ZBTB20: variants seen among roughly 807,000 people sequenced by gnomAD.
ZBTB20 encodes zinc finger and BTB domain-containing protein 20.
Under a neutral mutation model 56.9 loss-of-function variants are expected in ZBTB20, and 9 were observed. The ratio of observed to expected loss-of-function variants is 0.16; its 90% CI spans 0.10 to 0.28. ZBTB20 has a LOEUF of 0.28. Among genes scored for constraint, ZBTB20 ranks in the 10% least tolerant of loss-of-function variants. The pLI is 1.00. For synonymous variants in ZBTB20, 417 were observed against 420.7 expected, an observed-to-expected ratio of 0.99 and a Z score of 0.11; for missense variants, 655 against 1,003.0, an observed-to-expected ratio of 0.65 and a Z score of 4.69.
At chr3:115,060,158 C>G (rs980243398) in intron 2 of ZBTB20, among the ~76,000 whole-genome samples, 1 of 152,130 alleles carries the variant, frequency 6.6e-6, no homozygotes, top group Non-Finnish European at 1.5e-5. Context: ...CTTCTTGATT[C>G]TATTTTTAAG....
At chr3:114,343,417 C>G (rs2079944354) in intron 11 of ZBTB20, among the ~76,000 whole-genome samples, 1 of 152,202 alleles carries the variant, frequency 6.6e-6, no homozygotes, top group South Asian at 2.1e-4. Flanking sequence ...ACCTGACTCT[C>G]CTGTTCTCTC....
intron 5 of ZBTB20, among the ~76,000 whole-genome samples, chr3:114,708,002 G>A (rs1250625117): frequency 1.3e-5 from 2 of 152,186 alleles, no homozygotes; most frequent in Non-Finnish European, 2.9e-5. Flanking sequence ...TCCACGTTCA[G>A]TTCAATGCCT....
At chr3:114,454,917 G>C (rs1302647254) in intron 7 of ZBTB20, 1 of 148,840 alleles carries the variant, frequency 6.7e-6, no homozygotes, top group Non-Finnish European at 1.5e-5. Context: ...TCAGCAAGCA[G>C]ACCACGTTTA....
intron 1 of ZBTB20, among the ~76,000 whole-genome samples, chr3:115,134,554 A>G (rs191653830): frequency 2.0e-5 from 3 of 151,372 alleles, no homozygotes; most frequent in Non-Finnish European, 1.5e-5. Context: ...TGGTCTTTTC[A>G]TTCACTAATT....
chr3:114,560,408 T>A (rs2051855820), intron 6 of ZBTB20, among the ~76,000 whole-genome samples: 1 of 152,178 alleles, frequency 6.6e-6, no homozygotes. Context: ...ATTTATTACT[T>A]CACTTAATCC....
intron 4 of ZBTB20, among the ~76,000 whole-genome samples, chr3:114,850,572 A>G (rs1369315565): frequency 6.6e-6 from 1 of 152,246 alleles, no homozygotes; most frequent in African/African-American, 2.4e-5. Flanking sequence ...CAGACGAGGA[A>G]ACTAAAGCAC....
rs192836349 is a variant in ZBTB20, at chr3:114,345,443, T to C, written c.1804+4831A>G. Among the ~76,000 whole-genome samples, 23 of 152,380 alleles carry C rather than the reference T, an allele frequency of 1.5e-4. No individual in the cohort carries two copies. In the East Asian group the frequency reaches 3.7e-3, roughly 24 times the overall value. ...TTTGGAAGACTCAACTTACCTCATA[T>C]GTGAGTGATTAGTTTCTGTGATATA... On this transcript the variant is annotated intron_variant, in intron 11 of 11. Transcript: ENST00000675478.
At chr3:114,516,951 C>T (rs1309228614) in intron 6 of ZBTB20, among the ~76,000 whole-genome samples, 3 of 152,028 alleles carry the variant, frequency 2.0e-5, no homozygotes, top group Non-Finnish European at 2.9e-5. Flanking sequence ...TGTGGTAGTT[C>T]GTTACAAAGC....
At chr3:114,552,909 T>C (rs1300416682) in intron 6 of ZBTB20, among the ~76,000 whole-genome samples, 2 of 152,214 alleles carry the variant, frequency 1.3e-5, no homozygotes, top group African/African-American at 4.8e-5. Flanking sequence ...AGAATTATTG[T>C]TTTCAATCAT....
intron 5 of ZBTB20, among the ~76,000 whole-genome samples, chr3:114,735,562 G>A (rs947692776): frequency 6.6e-6 from 1 of 152,058 alleles, no homozygotes; most frequent in Non-Finnish European, 1.5e-5. Context: ...ATCAAAAGAA[G>A]TCACGTTGCC....
intron 2 of ZBTB20, among the ~76,000 whole-genome samples, chr3:115,027,113 T>C (rs185909199): frequency 1.3e-5 from 2 of 150,992 alleles, no homozygotes; most frequent in African/African-American, 4.8e-5. Context: ...CTGTCAAAAA[T>C]TTTTGCTACT....
intron 3 of ZBTB20, among the ~76,000 whole-genome samples, chr3:114,910,577 C>T (rs1189850969): frequency 6.6e-6 from 1 of 151,798 alleles, no homozygotes; most frequent in Non-Finnish European, 1.5e-5. Context: ...GTAACAATAG[C>T]TATTATTTAT....
intron 6 of ZBTB20, among the ~76,000 whole-genome samples, chr3:114,516,536 T>C (rs959531935): frequency 2.0e-5 from 3 of 152,172 alleles, no homozygotes; most frequent in African/African-American, 4.8e-5. Flanking sequence ...TTTAGTATTA[T>C]GGGTTGATTA....
chr3:114,907,636 T>G (rs1443505308), intron 3 of ZBTB20, among the ~76,000 whole-genome samples: 1 of 151,904 alleles, frequency 6.6e-6, no homozygotes, highest in African/African-American at 2.4e-5. Flanking sequence ...GACCATCGTC[T>G]TCATGAGGGC....
At chr3:115,010,118 G>A (rs2079637032) in intron 2 of ZBTB20, among the ~76,000 whole-genome samples, 1 of 151,952 alleles carries the variant, frequency 6.6e-6, no homozygotes, top group African/African-American at 2.4e-5. Flanking sequence ...TGGTAAGGGA[G>A]TATGGAAGGT....
intron 2 of ZBTB20, among the ~76,000 whole-genome samples, chr3:115,026,403 T>C (rs749919750): frequency 1.7e-4 from 25 of 151,052 alleles, no homozygotes; most frequent in African/African-American, 5.8e-4. Flanking sequence ...TTTTCTAGAA[T>C]TTAATTGTTC....
intron 3 of ZBTB20, among the ~76,000 whole-genome samples, chr3:114,909,354 TTAAAC>T (rs760582667): frequency 6.6e-6 from 1 of 152,082 alleles, no homozygotes; most frequent in Non-Finnish European, 1.5e-5. Context: ...TATGTGAGCT[TTAAAC>T]TAAGTGTTAT....
At chr3:115,145,314 C>T (rs2084931064) in intron 1 of ZBTB20, among the ~76,000 whole-genome samples, 1 of 152,006 alleles carries the variant, frequency 6.6e-6, no homozygotes, top group Admixed American at 6.5e-5. Flanking sequence ...AAAAAGTAGC[C>T]ACATCTTGAC....
intron 6 of ZBTB20, among the ~76,000 whole-genome samples, chr3:114,617,084 C>T (rs1204267919): frequency 6.6e-6 from 1 of 152,208 alleles, no homozygotes; most frequent in Non-Finnish European, 1.5e-5. Context: ...TATAATCTAT[C>T]CTCTACCCTG....
Sources: gnomAD v4.1 joint callset for allele counts (sites outside exome capture counted in the v4.1 genomes callset) on GRCh38, gnomAD v4.1.1 for gene constraint, MANE v1.5 for transcripts, NCBI Gene and HGNC (gene_info 2026-07-23, HGNC 2026-07-21) for gene names.